Variants in RANBP2 observed in about 807,000 individuals in gnomAD.
The protein encoded by RANBP2 is E3 SUMO-protein ligase RanBP2.
Under a neutral mutation model 303.6 loss-of-function variants are expected in RANBP2, and 57 were observed. The observed-to-expected ratio is 0.19, with a 90% CI of 0.15 to 0.23. RANBP2 has a LOEUF of 0.23. Among genes scored for constraint, RANBP2 ranks in the 10% least tolerant of loss-of-function variants. The pLI is 1.00. For synonymous variants in RANBP2, 1,167 were observed against 1,301.5 expected, an observed-to-expected ratio of 0.90 and a Z score of 2.23; for missense variants, 3,138 against 3,780.8, an observed-to-expected ratio of 0.83 and a Z score of 4.46.
chr2:109,598,734 T>G, the RANBP2 span, among the ~76,000 whole-genome samples: 139 of 151,958 alleles, frequency 9.1e-4, no homozygotes, highest in African/African-American at 3.3e-3. Context: ...TCCCAGCTAC[T>G]CAGGAGGCTA....
chr2:108,780,989 G>A (rs936320915), intron 25 of RANBP2, among the ~76,000 whole-genome samples: 12 of 152,202 alleles, frequency 7.9e-5, no homozygotes, highest in Admixed American at 3.9e-4. Flanking sequence ...GATTACAGGC[G>A]TGAGCCACTG....
At chr2:108,972,992 A>T in the RANBP2 span, among the ~76,000 whole-genome samples, 1 of 148,828 alleles carries the variant, frequency 6.7e-6, no homozygotes, top group East Asian at 2.0e-4. Flanking sequence ...TTTTAATTGA[A>T]TTTTTTTTTT....
At chr2:108,841,662 C>T in the RANBP2 span, among the ~76,000 whole-genome samples, 132,221 of 152,120 alleles carry the variant, frequency 0.87, 57,864 homozygotes, top group East Asian at 1. Context: ...AAATAGCATA[C>T]AGCTGCATTT....
At chr2:108,984,683 T>A in the RANBP2 span, among the ~76,000 whole-genome samples, 1 of 151,476 alleles carries the variant, frequency 6.6e-6, no homozygotes, top group South Asian at 2.1e-4. Flanking sequence ...GCCCTGCTAG[T>A]TTGTTTGTTT....
At chr2:109,547,326 T>C in the RANBP2 span, among the ~76,000 whole-genome samples, 1 of 152,032 alleles carries the variant, frequency 6.6e-6, no homozygotes, top group Non-Finnish European at 1.5e-5. Flanking sequence ...ACTCATTGAC[T>C]GTATCACCCC....
chr2:109,375,680 C>T, the RANBP2 span, among the ~76,000 whole-genome samples: 344 of 152,356 alleles, frequency 2.3e-3, 2 homozygotes, highest in Admixed American at 3.9e-3. Flanking sequence ...CGAGGGACTC[C>T]GTCATCCAGA....
At chr2:109,469,425 C>T in the RANBP2 span, among the ~76,000 whole-genome samples, 1,186 of 152,236 alleles carry the variant, frequency 7.8e-3, 14 homozygotes, top group African/African-American at 0.027. Context: ...TGCATGCATC[C>T]GCTGCTCTGT....
At chr2:109,530,839 A>T in the RANBP2 span, among the ~76,000 whole-genome samples, 1 of 152,160 alleles carries the variant, frequency 6.6e-6, no homozygotes, top group Non-Finnish European at 1.5e-5. Flanking sequence ...ATTCAAGAGG[A>T]AGGGCCGGGC....
chr2:109,037,591 A>C, the RANBP2 span, among the ~76,000 whole-genome samples: 1 of 152,178 alleles, frequency 6.6e-6, no homozygotes, highest in Non-Finnish European at 1.5e-5. Context: ...CCTAGAATTA[A>C]TGTAAAGTCG....
chr2:109,707,491 C>T, the RANBP2 span, among the ~76,000 whole-genome samples: 1 of 152,308 alleles, frequency 6.6e-6, no homozygotes, highest in East Asian at 1.9e-4. Context: ...CTATAAATAC[C>T]CACGTTGCCA....
the RANBP2 span, among the ~76,000 whole-genome samples, chr2:109,572,197 C>A: frequency 1.3e-5 from 2 of 152,062 alleles, no homozygotes; most frequent in African/African-American, 2.4e-5. Flanking sequence ...GTGGTGTGAT[C>A]TTGGCTCACT....
the RANBP2 span, among the ~76,000 whole-genome samples, chr2:108,923,008 T>C: frequency 1.5e-4 from 23 of 152,218 alleles, no homozygotes; most frequent in Non-Finnish European, 3.2e-4. Context: ...TGCAAAATAG[T>C]AGTACTTTGC....
the RANBP2 span, among the ~76,000 whole-genome samples, chr2:109,069,427 T>C: frequency 2.6e-5 from 4 of 152,232 alleles, no homozygotes; most frequent in Non-Finnish European, 5.9e-5. Flanking sequence ...AATGGCCAAC[T>C]GAATGCTTCC....
the RANBP2 span, chr2:109,564,477 T>C: frequency 6.3e-7 from 1 of 1,584,504 alleles, no homozygotes; most frequent in Non-Finnish European, 8.6e-7. Flanking sequence ...GTCCTCCATA[T>C]TTGTACAAAT....
At chr2:109,335,070 G>A in the RANBP2 span, among the ~76,000 whole-genome samples, 1 of 152,234 alleles carries the variant, frequency 6.6e-6, no homozygotes, top group Non-Finnish European at 1.5e-5. Context: ...GTCTCTGCCT[G>A]GGATCATGGT....
chr2:109,466,396 T>C, the RANBP2 span, among the ~76,000 whole-genome samples: 1 of 152,292 alleles, frequency 6.6e-6, no homozygotes, highest in South Asian at 2.1e-4. Flanking sequence ...TCTTTTTTAA[T>C]GAGATGTCTG....
chr2:109,725,589 A>G, the RANBP2 span, among the ~76,000 whole-genome samples: 102 of 152,238 alleles, frequency 6.7e-4, no homozygotes, highest in African/African-American at 2.5e-3. Flanking sequence ...CAGGACCTCT[A>G]TCACCTCATT....
At chr2:109,541,477 T>C in the RANBP2 span, among the ~76,000 whole-genome samples, 1 of 152,174 alleles carries the variant, frequency 6.6e-6, no homozygotes, top group Non-Finnish European at 1.5e-5. Flanking sequence ...TGCCTGCCAG[T>C]ATCTCCTTCC....
the RANBP2 span, among the ~76,000 whole-genome samples, chr2:109,086,291 T>C: frequency 6.6e-6 from 1 of 152,186 alleles, no homozygotes; most frequent in African/African-American, 2.4e-5. Context: ...GCGGTCATTG[T>C]AAAGGCACTT....
Sources: allele counts gnomAD v4.1 joint callset (sites outside exome capture counted in the v4.1 genomes callset), GRCh38; gene constraint gnomAD v4.1.1; transcripts MANE v1.5; gene names NCBI Gene and HGNC (gene_info 2026-07-23, HGNC 2026-07-21).